The following CA10 variants were observed in gnomAD, a reference collection of about 807,000 sequenced individuals.
CA10 encodes carbonic anhydrase 10 (inactive), also known as carbonic anhydrase-related protein 10.
CA10 carries 14 observed loss-of-function variants against 44.2 expected under a neutral mutation model. The ratio of observed to expected loss-of-function variants is 0.32; its 90% CI spans 0.21 to 0.50. The LOEUF (loss-of-function observed/expected upper bound fraction) is 0.50, where lower values mean the gene tolerates loss of function less well. Among genes scored for constraint, CA10 ranks in the 20% least tolerant of loss-of-function variants. The pLI, the probability that CA10 is intolerant of heterozygous loss-of-function variation, is 0.99. For synonymous variants in CA10, 159 were observed against 141.6 expected (o/e 1.12, Z -0.87); for missense variants, 350 against 409.7 (o/e 0.85, Z 1.26).
At chr17:51,948,876 C>T (rs776610675) in intron 2 of CA10, among the ~76,000 whole-genome samples, 1 of 152,046 alleles carries the variant, frequency 6.6e-6, no homozygotes, top group African/African-American at 2.4e-5. Flanking sequence ...GGTATATTTA[C>T]ATGCTAAAAA....
intron 3 of CA10, among the ~76,000 whole-genome samples, chr17:51,815,501 G>A (rs773686036): frequency 1.3e-5 from 2 of 152,080 alleles, no homozygotes; most frequent in Non-Finnish European, 2.9e-5. Context: ...ACTCCTCCCT[G>A]CCTCTTACCA....
At chr17:51,765,727 G>A (rs12940344) in intron 3 of CA10, among the ~76,000 whole-genome samples, 1 of 150,056 alleles carries the variant, frequency 6.7e-6, no homozygotes, top group Non-Finnish European at 1.5e-5. Context: ...GTGTGTGTAT[G>A]TGTGTGTGCA....
At chr17:51,868,918 T>C (rs1007729288) in intron 3 of CA10, among the ~76,000 whole-genome samples, 2 of 151,314 alleles carry the variant, frequency 1.3e-5, no homozygotes, top group Non-Finnish European at 2.9e-5. Context: ...AAAGATGTTA[T>C]AAAAGGTGAC....
At chr17:51,843,843 C>T (rs1269439889) in intron 3 of CA10, among the ~76,000 whole-genome samples, 1 of 152,082 alleles carries the variant, frequency 6.6e-6, no homozygotes, top group African/African-American at 2.4e-5. Context: ...TCCACAGTTG[C>T]AAAGTTTTAC....
intron 4 of CA10, among the ~76,000 whole-genome samples, chr17:51,663,524 G>A (rs916713821): frequency 0.23 from 54 of 234 alleles, no homozygotes; most frequent in African/African-American, 0.39. Context: ...CCAAGTCCTG[G>A]GTCTTCTGGT....
intron 4 of CA10, among the ~76,000 whole-genome samples, chr17:51,741,230 T>C (rs1187676502): frequency 6.6e-6 from 1 of 152,236 alleles, no homozygotes; most frequent in African/African-American, 2.4e-5. Flanking sequence ...CTCAAGTCTG[T>C]GCCTTGTCCT....
At chr17:52,109,389 C>A (rs1368444596) in intron 1 of CA10, among the ~76,000 whole-genome samples, 1 of 152,092 alleles carries the variant, frequency 6.6e-6, no homozygotes, top group Non-Finnish European at 1.5e-5. Context: ...AAAACCAAAG[C>A]AATAGAGTAG....
chr17:51,796,622 C>T (rs1906720423), intron 3 of CA10, among the ~76,000 whole-genome samples: 1 of 152,142 alleles, frequency 6.6e-6, no homozygotes, highest in Admixed American at 6.5e-5. Flanking sequence ...AAGTCCACAA[C>T]AATAGTCACA....
At chr17:51,768,881 C>T (rs991067403) in intron 3 of CA10, among the ~76,000 whole-genome samples, 6 of 151,948 alleles carry the variant, frequency 3.9e-5, no homozygotes, top group African/African-American at 1.2e-4. Context: ...GAGTTCATCT[C>T]GTTTTCAGAA....
At position 51,984,690 on chromosome 17, in the gene CA10, C is replaced by A. The variant is rs577242491; in HGVS notation, c.137-53558G>T. 8.9e-4 allele frequency among the ~76,000 whole-genome samples: 135 copies of A among 151,866 alleles called. 1 individual carries two copies. The highest frequency in any genetic ancestry group is 3.2e-3 in the African/African-American group (134 of 41,490). ...ACAAAACAGTACATATTACAACTGACACCACTGAAATACAAAAGATCATTC... is the reference window on the plus strand; with the variant it reads ...ACAAAACAGTACATATTACAACTGAAACCACTGAAATACAAAAGATCATTC... On this transcript the variant is annotated intron_variant, in intron 2 of 8. Coordinates refer to ENST00000451037, the MANE Select transcript of CA10 (RefSeq NM_020178.5).
intron 3 of CA10, among the ~76,000 whole-genome samples, chr17:51,778,158 C>G (rs917678898): frequency 2.6e-5 from 4 of 152,158 alleles, no homozygotes; most frequent in African/African-American, 9.7e-5. Flanking sequence ...AAAGTGCACT[C>G]TCATTCTAAA....
intron 2 of CA10, among the ~76,000 whole-genome samples, chr17:52,038,645 T>C (rs1986683596): frequency 6.6e-6 from 1 of 152,200 alleles, no homozygotes; most frequent in Non-Finnish European, 1.5e-5. Flanking sequence ...CTGTCTCATC[T>C]ACTTGCCTCA....
chr17:52,071,284 T>C (rs868754260), intron 2 of CA10, among the ~76,000 whole-genome samples: 3 of 152,214 alleles, frequency 2.0e-5, no homozygotes, highest in Non-Finnish European at 4.4e-5. Context: ...AGTTGGCTTT[T>C]TCCTGGGTCA....
chr17:51,923,754 G>A (rs1220080650), intron 3 of CA10, among the ~76,000 whole-genome samples: 1 of 152,062 alleles, frequency 6.6e-6, no homozygotes, highest in African/African-American at 2.4e-5. Context: ...AAACATAACT[G>A]AAAATTAGTT....
chr17:51,866,307 C>T (rs1350507944), intron 3 of CA10, among the ~76,000 whole-genome samples: 8 of 152,194 alleles, frequency 5.3e-5, no homozygotes, highest in Non-Finnish European at 7.3e-5. Flanking sequence ...CCATGCCTTG[C>T]TTAAAGGTGG....
chr17:52,113,761 C>A (rs1988834825), intron 1 of CA10, among the ~76,000 whole-genome samples: 1 of 152,220 alleles, frequency 6.6e-6, no homozygotes, highest in Non-Finnish European at 1.5e-5. Flanking sequence ...TATGTATTTA[C>A]ATTTCAAGTG....
chr17:52,005,332 G>T (rs1985561938), intron 2 of CA10, among the ~76,000 whole-genome samples: 2 of 151,888 alleles, frequency 1.3e-5, no homozygotes, highest in African/African-American at 2.4e-5. Context: ...AATCTTTAAA[G>T]AAACTTTTAA....
rs182305248 is a variant in CA10, at chr17:52,024,863, T to C, written c.136+47456A>G. ...ATAATGGTGATAGTGATAATAATTA[T>C]TGTGTTTAAGATATTGATGATTGTG... On this transcript the variant is annotated intron_variant, in intron 2 of 8. Transcript: ENST00000451037. 2.3e-3 allele frequency among the ~76,000 whole-genome samples: 343 copies of C among 152,058 alleles called. 2 individuals are homozygous for C. Among genetic ancestry groups the C allele is most frequent in the Non-Finnish European group, 3.5e-3 (239 of 67,972 alleles).
At chr17:51,746,768 G>T (rs960414044) in intron 4 of CA10, among the ~76,000 whole-genome samples, 2 of 152,128 alleles carry the variant, frequency 1.3e-5, no homozygotes, top group Admixed American at 1.3e-4. Context: ...TTGTGGGTCT[G>T]TTTCTTAGTG....
Sources: gnomAD v4.1 joint callset for allele counts (sites outside exome capture counted in the v4.1 genomes callset) on GRCh38, gnomAD v4.1.1 for gene constraint, MANE v1.5 for transcripts, NCBI Gene and HGNC (gene_info 2026-07-23, HGNC 2026-07-21) for gene names.